Variants in GALNT18 observed in about 807,000 individuals in gnomAD.
GALNT18 encodes polypeptide N-acetylgalactosaminyltransferase 18, also known as GalNAc-transferase 18.
In GALNT18, 44 loss-of-function variants were observed where a neutral mutation model predicts 69.5. The ratio of observed to expected loss-of-function variants is 0.63; its 90% confidence interval spans 0.50 to 0.81. The LOEUF is 0.81. GALNT18 is among the 40% of genes least tolerant of loss of function. The probability of loss-of-function intolerance (pLI) is 0.00; values close to 1 mark genes in which losing one functional copy is unlikely to be tolerated. For synonymous variants in GALNT18, 364 were observed against 318.2 expected (o/e 1.14, Z -1.53); for missense variants, 715 against 810.0 (o/e 0.88, Z 1.42).
chr11:11,334,636 G>A (rs940894028), intron 7 of GALNT18, among the ~76,000 whole-genome samples: 3 of 152,068 alleles, frequency 2.0e-5, no homozygotes, highest in African/African-American at 7.2e-5. Flanking sequence ...ATTTGAACCT[G>A]CTACAGCCTG....
Position 11,419,906 on chromosome 11 carries a change from C to T in GALNT18, c.595+12715G>A, listed in dbSNP as rs1221647813. ...ACCTGTCTACTTGCCTGCTATCATT[C>T]TCTGACGGCAGGAACAACATCTGGT... On this transcript the variant is annotated intron_variant, in intron 3 of 10. Coordinates refer to ENST00000227756, the MANE Select transcript of GALNT18 (RefSeq NM_198516.3). 2.6e-5 allele frequency among the ~76,000 whole-genome samples: 4 copies of T among 152,120 alleles called. No individual in the cohort carries two copies. The East Asian group carries it at 7.7e-4, about 29-fold the overall frequency.
chr11:11,413,009 A>G lies in GALNT18; in HGVS notation c.595+19612T>C, dbSNP rs776031759. On this transcript the variant is annotated intron_variant, in intron 3 of 10. Transcript: ENST00000227756. This position sits in a 1 kb window ranked among gnomAD's most constrained non-coding sequence, Gnocchi z 4.7. The stretch of plus-strand genomic sequence containing the variant: ...ATTCTAAGGCATGAATTTTACACCT[A>G]TTTCCCAGAGTATCCCAAAAGGATT... Among the ~76,000 whole-genome samples the G allele has an allele frequency of 5.3e-5, 8 of 152,158 alleles. No homozygotes were observed. Among genetic ancestry groups the G allele is most frequent in the Non-Finnish European group, 1.0e-4 (7 of 68,018 alleles).
intron 6 of GALNT18, among the ~76,000 whole-genome samples, chr11:11,342,460 C>A (rs1220563292): frequency 6.6e-6 from 1 of 152,058 alleles, no homozygotes; most frequent in Non-Finnish European, 1.5e-5. Flanking sequence ...TGGGATAAAG[C>A]CAGATTTGGA....
In GALNT18 at chr11:11,614,362, A is replaced by AGAGGAGGAGGAGGAG. The variant is rs10612380; in HGVS notation, c.235+6982_235+6996dup. Among the ~76,000 whole-genome samples, 4 of 146,308 alleles carry AGAGGAGGAGGAGGAG rather than the reference A, an allele frequency of 2.7e-5. No individual in the cohort carries two copies. The highest frequency in any genetic ancestry group is 1.0e-4 in the African/African-American group (4 of 38,910). ...CAAGAGAGTGAGGAGAAGAAGAAGA[A>AGAGGAGGAGGAGGAG]GAGGAGGAGGAGGAGGAGGAGGAGG... On this transcript the variant is annotated intron_variant, in intron 1 of 10. Transcript: ENST00000227756. This position sits in a 1 kb window ranked among gnomAD's most constrained non-coding sequence, Gnocchi z 5.6.
chr11:11,354,221 T>G (rs996094641), intron 6 of GALNT18, among the ~76,000 whole-genome samples: 3 of 152,116 alleles, frequency 2.0e-5, no homozygotes, highest in African/African-American at 7.2e-5. Context: ...TTAATACAGA[T>G]TTACAAAAGA....
At chr11:11,394,022 A>G (rs529376961) in intron 3 of GALNT18, among the ~76,000 whole-genome samples, 1 of 113,584 alleles carries the variant, frequency 8.8e-6, no homozygotes, top group Admixed American at 8.0e-5. Context: ...GGAGTAAGTC[A>G]GTATCCACCT....
In GALNT18 at chr11:11,586,186, A is replaced by AG. The variant is rs1296985480; in HGVS notation, c.235+35172dup. On this transcript the variant is annotated intron_variant, in intron 1 of 10. Transcript: ENST00000227756. This position sits in a 1 kb window ranked among gnomAD's most constrained non-coding sequence, Gnocchi z 4.1. ...GCCATCTAGGGTATTTTATTATAGC[A>AG]GTCTGAATGGACTAAAACAAATTGT... Among the ~76,000 whole-genome samples, 34 of 152,214 alleles carry AG rather than the reference A, an allele frequency of 2.2e-4. No homozygotes were observed. Among genetic ancestry groups the AG allele is most frequent in the African/African-American group, 7.2e-4 (30 of 41,460 alleles).
intron 1 of GALNT18, among the ~76,000 whole-genome samples, chr11:11,462,303 G>A (rs1296899144): frequency 1.3e-5 from 2 of 148,320 alleles, no homozygotes; most frequent in East Asian, 3.9e-4. Context: ...TTGCGATGGA[G>A]TCTTGCTCTG....
chr11:11,491,224 G>A (rs114894750), intron 1 of GALNT18, among the ~76,000 whole-genome samples: 2,227 of 152,302 alleles, frequency 0.015, 30 homozygotes, highest in African/African-American at 0.031. Flanking sequence ...CATTCCAGGA[G>A]CTCTGTGGCA....
At chr11:11,414,336 C>T (rs181325281) in intron 3 of GALNT18, among the ~76,000 whole-genome samples, 2 of 152,288 alleles carry the variant, frequency 1.3e-5, no homozygotes, top group East Asian at 1.9e-4. Flanking sequence ...CTAAAAAGTC[C>T]CACATGACAA....
intron 1 of GALNT18, among the ~76,000 whole-genome samples, chr11:11,576,524 C>T (rs189171475): frequency 6.6e-6 from 1 of 152,278 alleles, no homozygotes; most frequent in East Asian, 1.9e-4. Context: ...CTAGGTCATC[C>T]CAGGCACTCT....
chr11:11,499,036 G>A (rs921000955), intron 1 of GALNT18, among the ~76,000 whole-genome samples: 1 of 152,156 alleles, frequency 6.6e-6, no homozygotes, highest in African/African-American at 2.4e-5. Flanking sequence ...GATACAAACT[G>A]CTGACAGTTA....
intron 1 of GALNT18, among the ~76,000 whole-genome samples, chr11:11,513,982 G>A (rs1360040992): frequency 1.3e-5 from 1 of 76,894 alleles, no homozygotes; most frequent in East Asian, 8.3e-4. Context: ...CCTGAGTGCT[G>A]GTTCCCCCCA....
At chr11:11,483,430 C>T (rs1316735923) in intron 1 of GALNT18, among the ~76,000 whole-genome samples, 1 of 152,230 alleles carries the variant, frequency 6.6e-6, no homozygotes, top group Non-Finnish European at 1.5e-5. Flanking sequence ...CTCTATACAA[C>T]CAACTGCTGC....
intron 1 of GALNT18, among the ~76,000 whole-genome samples, chr11:11,554,905 C>G (rs1444102158): frequency 6.6e-6 from 1 of 152,112 alleles, no homozygotes; most frequent in Non-Finnish European, 1.5e-5. Flanking sequence ...GGTGAGGGTC[C>G]CGGAGGGAGC....
At chr11:11,395,171 C>T (rs1854297974) in intron 3 of GALNT18, among the ~76,000 whole-genome samples, 1 of 152,216 alleles carries the variant, frequency 6.6e-6, no homozygotes, top group East Asian at 1.9e-4. Flanking sequence ...CTTGTGAGGT[C>T]CCACAGTTGG....
intron 1 of GALNT18, among the ~76,000 whole-genome samples, chr11:11,548,845 T>C (rs1242819772): frequency 1.3e-5 from 2 of 152,252 alleles, no homozygotes; most frequent in Admixed American, 1.3e-4. Context: ...TCTTCTTTGC[T>C]AATCACAATA....
rs1396077098 is a variant in GALNT18 at position 11,383,395 on chromosome 11, AC to A, written c.596-4132del. On this transcript the variant is annotated intron_variant, in intron 3 of 10. Transcript: ENST00000227756. This position sits in a 1 kb window ranked among gnomAD's most constrained non-coding sequence, Gnocchi z 5.2. The stretch of plus-strand genomic sequence containing the variant: ...TAATCTGATTTAAGTACTTAATGGG[AC>A]ACTCCAATCTCATGCATAAAGGAAA... Among the ~76,000 whole-genome samples, 1 of 152,186 alleles carries A rather than the reference AC, an allele frequency of 6.6e-6. No homozygotes were observed. The highest frequency in any genetic ancestry group is 2.4e-5 in the African/African-American group (1 of 41,440).
In GALNT18 at chr11:11,505,755, C is replaced by T. The variant is rs1212460296; in HGVS notation, c.236-56819G>A. 6.6e-6 allele frequency among the ~76,000 whole-genome samples: 1 copy of T among 152,188 alleles called. No homozygotes were observed. The highest frequency in any genetic ancestry group is 1.5e-5 in the Non-Finnish European group (1 of 68,032). Reference sequence around the variant, plus strand: ...TTCCTCCCTGAATCCAGTGTACCTGCTCTCTCTCCTTCATTTGCATGCCTT... The same window carrying T: ...TTCCTCCCTGAATCCAGTGTACCTGTTCTCTCTCCTTCATTTGCATGCCTT... On this transcript the variant is annotated intron_variant, in intron 1 of 10. Transcript: ENST00000227756. This position sits in a 1 kb window ranked among gnomAD's most constrained non-coding sequence, Gnocchi z 4.6.
Sources: allele counts gnomAD v4.1 joint callset (sites outside exome capture counted in the v4.1 genomes callset), GRCh38; gene constraint gnomAD v4.1.1; non-coding constraint Gnocchi (gnomAD v3.1); transcripts MANE v1.5; gene names NCBI Gene and HGNC (gene_info 2026-07-23, HGNC 2026-07-21).